HOXB3: variants seen among roughly 807,000 people sequenced by gnomAD.
The protein encoded by HOXB3 is homeobox B3, also known as homeobox protein Hox-B3.
A neutral mutation model predicts 29.2 loss-of-function variants in HOXB3; 17 were observed. That is an observed-to-expected ratio of 0.58 (90% CI 0.40 to 0.87). HOXB3 has a LOEUF of 0.87. Ranked by LOEUF, HOXB3 falls within the 40% of genes least tolerant of loss-of-function variation. HOXB3 has a pLI of 0.00. For missense variants in HOXB3, 637 were observed against 616.3 expected (o/e 1.03, Z -0.35); for synonymous variants, 317 against 285.9 (o/e 1.11, Z -1.10).
chr17:48,550,537 G>T lies in HOXB3; in HGVS notation c.1093C>A (p.Pro365Thr). Residue 365 changes from proline (P) to threonine (T), a missense_variant, in exon 5 of 5, where the codon CCT becomes ACT. Coordinates refer to ENST00000498678, the MANE Select transcript of HOXB3 (RefSeq NM_001384749.1). The part of the protein sequence containing the change: ...GGGYADPLPP[P>T]AGPSLYGLNH... ...AGGCCATAGAGGGAGGGGCCGGCAG[G>T]GGGCGGCAGCGGATCCGCGTAGCCG... The T allele has an allele frequency of 6.5e-7, 1 of 1,542,700 alleles. No homozygotes were observed. The highest frequency in any genetic ancestry group is 8.7e-7 in the Non-Finnish European group (1 of 1,155,480).
In HOXB3 at chr17:48,568,083, T is replaced by C. The variant is rs149639017; in HGVS notation, c.-247+5754A>G. ...GCACAGAACTTTGATTTGGTCTCCA[T>C]TGATCACAAAAATATTTGCCTTCAA... On this transcript the variant is annotated intron_variant, in intron 2 of 4. Coordinates refer to ENST00000498678, the MANE Select transcript of HOXB3 (RefSeq NM_001384749.1). Among the ~76,000 whole-genome samples the C allele has an allele frequency of 4.6e-3, 694 of 152,334 alleles. 5 individuals carry two copies. The highest frequency in any genetic ancestry group is 0.016 in the African/African-American group (653 of 41,560).
chr17:48,558,901 TGTGTGTGTGTGCCCATGTGTGTAGG>T (rs2069094880), intron 2 of HOXB3, among the ~76,000 whole-genome samples: 1 of 151,298 alleles, frequency 6.6e-6, no homozygotes, highest in Non-Finnish European at 1.5e-5. Flanking sequence ...CCTGGAAAAC[TGTGTGTGTGTGCCCATGTGTGTAGG>T]GTGTGTGTGT....
At chr17:48,575,837 C>T (rs2144879477) in intron 1 of HOXB3, 1 of 152,718 alleles carries the variant, frequency 6.5e-6, no homozygotes, top group East Asian at 1.9e-4. Flanking sequence ...CTGTACAACT[C>T]TGGACTGGCA....
chr17:48,568,712 A>T (rs1441850086), intron 2 of HOXB3, among the ~76,000 whole-genome samples: 1 of 152,078 alleles, frequency 6.6e-6, no homozygotes, highest in Non-Finnish European at 1.5e-5. Flanking sequence ...TATTGCTATA[A>T]ATCAAGAAAA....
At chr17:48,565,780 C>T (rs2069369304) in intron 2 of HOXB3, among the ~76,000 whole-genome samples, 1 of 152,194 alleles carries the variant, frequency 6.6e-6, no homozygotes, top group South Asian at 2.1e-4. Context: ...GTGTGTGTGT[C>T]CCCTTGTGAA....
rs534161477 is a variant in HOXB3 at position 48,554,485 on chromosome 17, C to T, written c.-159+1046G>A. On this transcript the variant is annotated intron_variant, in intron 3 of 4. Coordinates refer to ENST00000498678, the MANE Select transcript of HOXB3 (RefSeq NM_001384749.1). The surrounding 1 kb of genome is among the most constrained non-coding windows in gnomAD (Gnocchi z 4.1). ...GTGTGGAAAGCGAAGGAGCCAGAGA[C>T]GCGATAGGAAAGAATGGAGACTCCG... 7 of 610,170 alleles carry T rather than the reference C, an allele frequency of 1.1e-5. No homozygotes were observed. In the East Asian group the frequency reaches 1.9e-4, roughly 17 times the overall value. The allele number at this position is 610,170 out of a possible 1,614,324, so 37.8% of individuals were successfully genotyped here.
At chr17:48,565,401 G>T (rs2069357551) in intron 2 of HOXB3, among the ~76,000 whole-genome samples, 1 of 152,226 alleles carries the variant, frequency 6.6e-6, no homozygotes. Flanking sequence ...TGTAAAGAAG[G>T]CTGCTAGGGA....
intron 1 of HOXB3, among the ~76,000 whole-genome samples, chr17:48,588,282 C>A (rs1333876226): frequency 6.6e-6 from 1 of 152,196 alleles, no homozygotes; most frequent in Non-Finnish European, 1.5e-5. Context: ...CTGGAGGAGA[C>A]CCTTCAAGAG....
intron 2 of HOXB3, among the ~76,000 whole-genome samples, chr17:48,556,198 A>C (rs761116565): frequency 1.9e-4 from 29 of 151,700 alleles, no homozygotes; most frequent in African/African-American, 6.8e-4. Context: ...TTGGAGGGAC[A>C]GGGAGGAAGA....
chr17:48,550,890 T>C lies in HOXB3; in HGVS notation c.740A>G (p.Gln247Arg), dbSNP rs1263031816. The C allele has an allele frequency of 6.8e-6, 11 of 1,613,968 alleles. No individual in the cohort carries two copies. The highest frequency in any genetic ancestry group is 9.3e-6 in the Non-Finnish European group (11 of 1,179,924). The change falls in exon 5 of 5, where the codon CAG becomes CGG. Residue 247 changes from glutamine to arginine, a missense_variant. Coordinates refer to ENST00000498678, the MANE Select transcript of HOXB3 (RefSeq NM_001384749.1). ...CGACGAGGCCAATCCCTTGGCCTTC[T>C]GGTCCTTCTTGTACTTCATGCGCCG... ...QNRRMKYKKDQKAKGLASSSG... is the reference protein window; with the variant it reads ...QNRRMKYKKDRKAKGLASSSG...
chr17:48,587,669 C>A (rs1012579469), intron 1 of HOXB3, among the ~76,000 whole-genome samples: 6 of 152,326 alleles, frequency 3.9e-5, no homozygotes, highest in Non-Finnish European at 8.8e-5. Flanking sequence ...GTTAAGTGTC[C>A]CTGCCACAGT....
chr17:48,556,660 G>C (rs2069010171), intron 2 of HOXB3: 1 of 152,104 alleles, frequency 6.6e-6, no homozygotes, highest in South Asian at 2.1e-4. Context: ...GGGGGAGGAG[G>C]GTTGAGAAAA....
At chr17:48,574,638 AG>A (rs2069702784) in intron 1 of HOXB3, among the ~76,000 whole-genome samples, 2 of 152,174 alleles carry the variant, frequency 1.3e-5, no homozygotes. Flanking sequence ...CCAATAGACC[AG>A]AGACCCTGAG....
intron 2 of HOXB3, among the ~76,000 whole-genome samples, chr17:48,565,555 G>T (rs999533340): frequency 2.6e-5 from 4 of 152,152 alleles, no homozygotes; most frequent in East Asian, 1.9e-4. Context: ...TTCCAATTCT[G>T]CGTCTCTCAG....
chr17:48,552,118 G>C lies in HOXB3; in HGVS notation c.357C>G (p.Pro119=), dbSNP rs182366697. The C allele has an allele frequency of 4.2e-5, 68 of 1,613,662 alleles. 1 individual carries two copies. The South Asian group carries it at 6.3e-4, about 15-fold the overall frequency. The change falls in exon 4 of 5, where the codon CCC becomes CCG. Residue 119 remains proline, a synonymous_variant. Coordinates refer to ENST00000498678, the MANE Select transcript of HOXB3 (RefSeq NM_001384749.1). ...PSKSGPPKCG[P]GTNSTLTKQI... The stretch of plus-strand genomic sequence containing the variant: ...GTTTGGTGAGGGTGGAGTTGGTGCC[G>C]GGACCGCACTTTGGGGGACCACTTT...
chr17:48,564,877 C>A (rs1182118153), intron 2 of HOXB3, among the ~76,000 whole-genome samples: 1 of 152,188 alleles, frequency 6.6e-6, no homozygotes, highest in Non-Finnish European at 1.5e-5. Context: ...GAAAGATTTG[C>A]ATCTCCCCTT....
chr17:48,569,160 C>T (rs1016073464), intron 2 of HOXB3, among the ~76,000 whole-genome samples: 9 of 151,878 alleles, frequency 5.9e-5, no homozygotes, highest in African/African-American at 9.7e-5. Context: ...ATTTTCCTGA[C>T]GAATACATAT....
In HOXB3 at chr17:48,564,363, C is replaced by A. The variant is rs576200768; in HGVS notation, c.-246-8745G>T. On this transcript the variant is annotated intron_variant, in intron 2 of 4. Transcript: ENST00000498678. ...ATCCTAGTCGCTCAACCCGCAGCAA[C>A]CCCCAGCAACCCCCGAGCGTCCCGC... is the stretch of plus-strand genomic sequence containing the variant. Among the ~76,000 whole-genome samples, 119 of 152,158 alleles carry A rather than the reference C, an allele frequency of 7.8e-4. 1 individual carries two copies. The highest frequency in any genetic ancestry group is 2.8e-3 in the African/African-American group (117 of 41,544).
chr17:48,573,319 G>A (rs757674254), intron 2 of HOXB3, among the ~76,000 whole-genome samples: 10 of 152,100 alleles, frequency 6.6e-5, no homozygotes, highest in African/African-American at 1.9e-4. Context: ...ACTTATACCC[G>A]CTCCAAAGCT....
Sources: allele counts gnomAD v4.1 joint callset (sites outside exome capture counted in the v4.1 genomes callset), GRCh38; gene constraint gnomAD v4.1.1; non-coding constraint Gnocchi (gnomAD v3.1); transcripts MANE v1.5; gene names NCBI Gene and HGNC (gene_info 2026-07-23, HGNC 2026-07-21).